Variants in ESCO1 observed in about 807,000 individuals in gnomAD.
ESCO1 encodes the protein establishment of sister chromatid cohesion N-acetyltransferase 1.
In ESCO1, 33 loss-of-function variants were observed where a neutral mutation model predicts 83.5. That is an observed-to-expected ratio of 0.40 (90% CI 0.30 to 0.53). The LOEUF is 0.53. Among genes scored for constraint, ESCO1 ranks in the 20% least tolerant of loss-of-function variants. The pLI, the probability that ESCO1 is intolerant of heterozygous loss-of-function variation, is 0.63. For missense variants in ESCO1, 855 were observed against 968.0 expected, an observed-to-expected ratio of 0.88 and a Z score of 1.55; for synonymous variants, 332 against 324.3, an observed-to-expected ratio of 1.02 and a Z score of -0.25.
At chr18:21,599,144 C>T (rs533476691) in intron 1 of ESCO1, among the ~76,000 whole-genome samples, 1 of 152,264 alleles carries the variant, frequency 6.6e-6, no homozygotes, top group South Asian at 2.1e-4. Flanking sequence ...CGAGACCAGC[C>T]TGGGCAACAT....
intron 6 of ESCO1, among the ~76,000 whole-genome samples, chr18:21,565,735 G>A (rs1048280845): frequency 5.3e-5 from 8 of 152,050 alleles, no homozygotes; most frequent in Non-Finnish European, 1.2e-4. Context: ...CCAGGAGTTC[G>A]AGACCAGCCT....
chr18:21,540,260 T>C (rs995600445), intron 8 of ESCO1, among the ~76,000 whole-genome samples: 1 of 152,306 alleles, frequency 6.6e-6, no homozygotes, highest in South Asian at 2.1e-4. Context: ...CACAAGAGTA[T>C]TTCTAATTTA....
Position 21,574,615 on chromosome 18 carries a change from C to T in ESCO1, c.229G>A (p.Asp77Asn). ...STRSSKAASN[D>N]KATKSINKNT... ...TTATTAATGGATTTAGTAGCTTTATCATTAGATGCTGCCTTTGATGACCTT... is the reference window on the plus strand; with the variant it reads ...TTATTAATGGATTTAGTAGCTTTATTATTAGATGCTGCCTTTGATGACCTT... Residue 77 changes from aspartate to asparagine, a missense_variant, in exon 4 of 12, where the codon GAT (aspartate) becomes AAT (asparagine). This residue lies in a region of ESCO1 where 726 missense variants were observed against 699.5 expected (regional missense o/e 1.04). Coordinates refer to ENST00000269214, the MANE Select transcript of ESCO1 (RefSeq NM_052911.3). 6.2e-7 allele frequency: 1 copy of T among 1,613,978 alleles called. No homozygotes were observed. Among genetic ancestry groups the T allele is most frequent in the Non-Finnish European group, 8.5e-7 (1 of 1,179,984 alleles).
chr18:21,547,971 G>A (rs2037995076), intron 8 of ESCO1, among the ~76,000 whole-genome samples: 2 of 152,060 alleles, frequency 1.3e-5, no homozygotes, highest in Non-Finnish European at 2.9e-5. Flanking sequence ...GCATGGTGGA[G>A]AGTGCCTGTA....
chr18:21,576,867 T>C (rs1219931699), intron 2 of ESCO1, among the ~76,000 whole-genome samples: 1 of 151,918 alleles, frequency 6.6e-6, no homozygotes, highest in Non-Finnish European at 1.5e-5. Flanking sequence ...ACCCCGTCTC[T>C]ACTAAAAACA....
At chr18:21,592,648 G>GGGA (rs2038694993) in intron 1 of ESCO1, among the ~76,000 whole-genome samples, 1 of 150,438 alleles carries the variant, frequency 6.6e-6, no homozygotes, top group Non-Finnish European at 1.5e-5. Flanking sequence ...GGCCTGGCGC[G>GGGA]GGCTGACCCC....
intron 4 of ESCO1, among the ~76,000 whole-genome samples, chr18:21,571,833 CACTG>C (rs879603819): frequency 2.6e-5 from 4 of 152,208 alleles, no homozygotes; most frequent in Non-Finnish European, 5.9e-5. Context: ...TAATTACTAT[CACTG>C]ACTGGTAAAA....
chr18:21,535,176 C>T (rs971192846), intron 10 of ESCO1, among the ~76,000 whole-genome samples: 1 of 152,048 alleles, frequency 6.6e-6, no homozygotes, highest in Non-Finnish European at 1.5e-5. Flanking sequence ...ACATTGGTAT[C>T]CAACATGGAA....
At chr18:21,551,345 T>C (rs1290095066) in intron 8 of ESCO1, among the ~76,000 whole-genome samples, 1 of 149,096 alleles carries the variant, frequency 6.7e-6, no homozygotes, top group Non-Finnish European at 1.5e-5. Flanking sequence ...TGGCGGCACC[T>C]GTAGGAACCT....
chr18:21,551,028 C>T (rs1011711975), intron 8 of ESCO1, among the ~76,000 whole-genome samples: 2 of 149,716 alleles, frequency 1.3e-5, no homozygotes, highest in African/African-American at 4.9e-5. Context: ...AGGAGAATGG[C>T]ATGAACCCGG....
chr18:21,597,760 A>C (rs2038786668), intron 1 of ESCO1, among the ~76,000 whole-genome samples: 2 of 152,272 alleles, frequency 1.3e-5, no homozygotes, highest in South Asian at 4.1e-4. Context: ...TTTTGTGTGA[A>C]TCTTACACGT....
At chr18:21,589,465 T>G (rs183266206) in intron 1 of ESCO1, among the ~76,000 whole-genome samples, 305 of 152,240 alleles carry the variant, frequency 2.0e-3, no homozygotes, top group Non-Finnish European at 3.4e-3. Flanking sequence ...CCAATCGTCT[T>G]GTATTTCAAC....
chr18:21,550,288 TCA>T (rs2038029348), intron 8 of ESCO1, among the ~76,000 whole-genome samples: 1 of 152,218 alleles, frequency 6.6e-6, no homozygotes, highest in Admixed American at 6.5e-5. Context: ...TTTTAGATAT[TCA>T]GTTATTATTT....
intron 1 of ESCO1, among the ~76,000 whole-genome samples, chr18:21,597,400 C>G (rs1052263429): frequency 6.6e-6 from 1 of 151,650 alleles, no homozygotes; most frequent in Non-Finnish European, 1.5e-5. Context: ...GTATGCACAC[C>G]TGTAGTCCCA....
chr18:21,595,099 G>C (rs1032619470), intron 1 of ESCO1, among the ~76,000 whole-genome samples: 1 of 151,582 alleles, frequency 6.6e-6, no homozygotes. Flanking sequence ...CACCTGCCTC[G>C]GCCTCCCAAG....
At chr18:21,568,243 A>G (rs2038289623) in intron 4 of ESCO1, 149 bp from the exon 5 acceptor site, 1 of 614,296 alleles carries the variant, frequency 1.6e-6, no homozygotes. Flanking sequence ...ATCTTGCTAC[A>G]AGCTACCCTC....
intron 1 of ESCO1, among the ~76,000 whole-genome samples, chr18:21,587,838 C>T (rs763940255): frequency 6.6e-5 from 10 of 151,974 alleles, no homozygotes; most frequent in Middle Eastern, 3.4e-3. Context: ...GAGGCTGAGG[C>T]GGGAGGATCA....
chr18:21,532,080 A>T (rs1351941504), intron 11 of ESCO1, among the ~76,000 whole-genome samples: 1 of 152,128 alleles, frequency 6.6e-6, no homozygotes, highest in East Asian at 1.9e-4. Context: ...AGATTTTGAT[A>T]GTTTACAAAT....
rs572405547 is a variant in ESCO1 at position 21,579,510 on chromosome 18, G to A, written c.-693-3733C>T. On this transcript the variant is annotated intron_variant, in intron 2 of 11. Transcript: ENST00000269214. Reference sequence around the variant, plus strand: ...AATGGGGCCAGGCACAGTGGCTCACGCCTGTAATCCCAGCACTTTGGGAGG... The same window carrying A: ...AATGGGGCCAGGCACAGTGGCTCACACCTGTAATCCCAGCACTTTGGGAGG... 1.8e-4 allele frequency among the ~76,000 whole-genome samples: 27 copies of A among 151,794 alleles called. No homozygotes were observed. The East Asian group carries it at 4.6e-3, about 26-fold the overall frequency.
Sources: gnomAD v4.1 joint callset for allele counts (sites outside exome capture counted in the v4.1 genomes callset) on GRCh38, gnomAD v4.1.1 for gene constraint, gnomAD v4.1.1 regional missense constraint, MANE v1.5 for transcripts, NCBI Gene and HGNC (gene_info 2026-07-23, HGNC 2026-07-21) for gene names.